CDYL: variants seen among roughly 807,000 people sequenced by gnomAD.
The protein encoded by CDYL is chromodomain Y like.
A neutral mutation model predicts 47.3 loss-of-function variants in CDYL; 8 were observed. The ratio of observed to expected loss-of-function variants is 0.17; its 90% CI spans 0.10 to 0.31. The LOEUF (loss-of-function observed/expected upper bound fraction) is 0.31. Among genes scored for constraint, CDYL ranks in the 10% least tolerant of loss-of-function variants. The pLI, the probability that CDYL is intolerant of heterozygous loss-of-function variation, is 1.00. For synonymous variants in CDYL, 266 were observed against 265.0 expected, an observed-to-expected ratio of 1.00 and a Z score of -0.04; for missense variants, 471 against 701.4, an observed-to-expected ratio of 0.67 and a Z score of 3.71.
chr6:4,761,659 T>G (rs1024408788), intron 3 of CDYL, among the ~76,000 whole-genome samples: 1 of 152,172 alleles, frequency 6.6e-6, no homozygotes, highest in Admixed American at 6.5e-5. Context: ...CCCAGAATTG[T>G]TAAAGGTGAC....
At chr6:4,880,090 A>T (rs1220533303) in intron 1 of CDYL, among the ~76,000 whole-genome samples, 2 of 151,918 alleles carry the variant, frequency 1.3e-5, no homozygotes, top group African/African-American at 2.4e-5. Context: ...TCTTGGTGTT[A>T]TGCATTCTAT....
intron 1 of CDYL, among the ~76,000 whole-genome samples, chr6:4,803,488 T>C (rs1180736800): frequency 1.3e-5 from 2 of 152,224 alleles, no homozygotes; most frequent in East Asian, 1.9e-4. Flanking sequence ...GCCTGGGGCA[T>C]GGATGAGAAT....
At chr6:4,832,197 T>A (rs1282612503) in intron 1 of CDYL, among the ~76,000 whole-genome samples, 23 of 150,528 alleles carry the variant, frequency 1.5e-4, no homozygotes, top group Non-Finnish European at 2.2e-4. Context: ...ATTCAGTATG[T>A]TATTGGCTGT....
chr6:4,732,686 G>C (rs1446587276), intron 2 of CDYL, among the ~76,000 whole-genome samples: 3 of 148,972 alleles, frequency 2.0e-5, no homozygotes, highest in African/African-American at 2.5e-5. Flanking sequence ...GGGGGGGATT[G>C]GGGGGGAATT....
chr6:4,863,932 A>T (rs1259433936), intron 1 of CDYL, among the ~76,000 whole-genome samples: 1 of 152,206 alleles, frequency 6.6e-6, no homozygotes, highest in African/African-American at 2.4e-5. Flanking sequence ...TCAAGTTGAA[A>T]CACGCTAAAA....
At chr6:4,818,482 A>T (rs1759735102) in intron 1 of CDYL, among the ~76,000 whole-genome samples, 1 of 151,998 alleles carries the variant, frequency 6.6e-6, no homozygotes, top group Non-Finnish European at 1.5e-5. Flanking sequence ...CCCTTAGTTG[A>T]TTGTGCGGAC....
chr6:4,953,779 TA>T, intron 6 of CDYL, 118 bp from the exon 7 acceptor site: 1 of 919,950 alleles, frequency 1.1e-6, no homozygotes, highest in Non-Finnish European at 1.6e-6. Flanking sequence ...AAATGTCTGG[TA>T]ACCTTTTTAA....
At chr6:4,845,351 A>G (rs1760625685) in intron 1 of CDYL, among the ~76,000 whole-genome samples, 2 of 152,234 alleles carry the variant, frequency 1.3e-5, no homozygotes. Flanking sequence ...TGGTTTTCAA[A>G]GTAGTTTTTT....
chr6:4,725,391 TG>T (rs949369038), intron 2 of CDYL, among the ~76,000 whole-genome samples: 1 of 152,066 alleles, frequency 6.6e-6, no homozygotes, highest in African/African-American at 2.4e-5. Flanking sequence ...GCGGCGCTCG[TG>T]GGGGAGGCTC....
intron 5 of CDYL, among the ~76,000 whole-genome samples, chr6:4,944,888 T>C (rs1260924429): frequency 6.6e-6 from 1 of 152,110 alleles, no homozygotes; most frequent in African/African-American, 2.4e-5. Flanking sequence ...AAAGCCAACA[T>C]GAAGCACTGA....
At chr6:4,717,420 C>A (rs1272522035) in intron 2 of CDYL, among the ~76,000 whole-genome samples, 1 of 151,908 alleles carries the variant, frequency 6.6e-6, no homozygotes, top group Non-Finnish European at 1.5e-5. Context: ...GTTTTTAAAA[C>A]AAAAGAGGGT....
At chr6:4,801,237 G>T (rs1295447179) in intron 1 of CDYL, among the ~76,000 whole-genome samples, 1 of 152,130 alleles carries the variant, frequency 6.6e-6, no homozygotes, top group Admixed American at 6.5e-5. Flanking sequence ...TCTCCCTTGA[G>T]ATTGCCATAT....
chr6:4,887,539 C>T lies in CDYL; in HGVS notation c.25-4174C>T, dbSNP rs576434940. The stretch of plus-strand genomic sequence containing the variant: ...TTTAAAAATTGATTTTTGTATGTTG[C>T]TTTGTCTCTTGCAATCTTGGTGAAC... On this transcript the variant is annotated intron_variant, in intron 1 of 6. Transcript: ENST00000397588. 2.1e-3 allele frequency among the ~76,000 whole-genome samples: 326 copies of T among 152,016 alleles called. 1 individual carries two copies. Among genetic ancestry groups the T allele is most frequent in the African/African-American group, 7.3e-3 (303 of 41,508 alleles).
chr6:4,745,468 A>G (rs1302149331), intron 3 of CDYL, among the ~76,000 whole-genome samples: 2 of 151,994 alleles, frequency 1.3e-5, no homozygotes, highest in Non-Finnish European at 2.9e-5. Context: ...CGGGCTCGGT[A>G]GCTCACGCCT....
At chr6:4,897,652 C>T (rs1762321241) in intron 2 of CDYL, among the ~76,000 whole-genome samples, 4 of 151,880 alleles carry the variant, frequency 2.6e-5, no homozygotes, top group Admixed American at 2.0e-4. Context: ...TGTGGTGGCT[C>T]ACACTTGTAA....
chr6:4,896,825 T>A (rs1251970809), intron 2 of CDYL, among the ~76,000 whole-genome samples: 1 of 152,202 alleles, frequency 6.6e-6, no homozygotes, highest in Non-Finnish European at 1.5e-5. Flanking sequence ...TTCAAAACAT[T>A]AATCATATAC....
intron 3 of CDYL, among the ~76,000 whole-genome samples, chr6:4,759,070 G>A (rs1034916996): frequency 2.7e-5 from 4 of 149,418 alleles, no homozygotes; most frequent in South Asian, 2.1e-4. Flanking sequence ...CCGGGTTCAC[G>A]CCATTCTCCT....
intron 1 of CDYL, among the ~76,000 whole-genome samples, chr6:4,710,356 G>T (rs2127406022): frequency 7.2e-6 from 1 of 138,182 alleles, no homozygotes; most frequent in East Asian, 2.1e-4. Context: ...AGAAAGGGAG[G>T]GAGGGAAGGA....
chr6:4,897,794 T>TGTTTTTTTTG (rs1554105983), intron 2 of CDYL, among the ~76,000 whole-genome samples: 2 of 146,202 alleles, frequency 1.4e-5, no homozygotes, highest in African/African-American at 2.5e-5. Flanking sequence ...GTTTTTGTTT[T>TGTTTTTTTTG]TTTTTTTTAA....
Sources: allele counts gnomAD v4.1 joint callset (sites outside exome capture counted in the v4.1 genomes callset), GRCh38; gene constraint gnomAD v4.1.1; transcripts MANE v1.5; gene names NCBI Gene and HGNC (gene_info 2026-07-23, HGNC 2026-07-21).